ERC2: variants seen among roughly 807,000 people sequenced by gnomAD.
ERC2 encodes the protein ERC protein 2.
ERC2 carries 42 observed loss-of-function variants against 114.8 expected under a neutral mutation model. The ratio of observed to expected loss-of-function variants is 0.37; its 90% CI spans 0.29 to 0.47. ERC2 has a LOEUF of 0.47. ERC2 is among the 20% of genes least tolerant of loss of function. The probability of loss-of-function intolerance (pLI) is 0.99; values close to 1 mark genes in which losing one functional copy is unlikely to be tolerated. For missense variants in ERC2, 939 were observed against 1,150.7 expected, an observed-to-expected ratio of 0.82 and a Z score of 2.66; for synonymous variants, 454 against 425.5, an observed-to-expected ratio of 1.07 and a Z score of -0.82.
At chr3:55,931,608 G>T (rs887343164) in intron 13 of ERC2, among the ~76,000 whole-genome samples, 3 of 152,102 alleles carry the variant, frequency 2.0e-5, no homozygotes, top group Non-Finnish European at 4.4e-5. Context: ...GTCGGGGTGT[G>T]GGGGGCTAGG....
chr3:56,120,414 G>A (rs1373474117), intron 6 of ERC2, among the ~76,000 whole-genome samples: 1 of 152,210 alleles, frequency 6.6e-6, no homozygotes, highest in Non-Finnish European at 1.5e-5. Flanking sequence ...AATGGCAAGA[G>A]AGAGTGATTA....
At chr3:55,798,158 T>C (rs1449232991) in intron 14 of ERC2, among the ~76,000 whole-genome samples, 1 of 152,112 alleles carries the variant, frequency 6.6e-6, no homozygotes, top group Non-Finnish European at 1.5e-5. Flanking sequence ...GTAATAGATA[T>C]TTGCAAAGAT....
At chr3:56,040,597 A>ATACACATACATATACATG (rs1322857766) in intron 7 of ERC2, among the ~76,000 whole-genome samples, 2 of 2,732 alleles carry the variant, frequency 7.3e-4, no homozygotes, top group South Asian at 0.011. Context: ...ATATATATCT[A>ATACACATACATATACATG]TATATGTATA....
intron 4 of ERC2, among the ~76,000 whole-genome samples, chr3:56,155,774 A>G (rs1020446089): frequency 1.3e-5 from 2 of 152,144 alleles, no homozygotes; most frequent in African/African-American, 4.8e-5. Flanking sequence ...TACATACAAA[A>G]TCAAGAGCAC....
intron 3 of ERC2, among the ~76,000 whole-genome samples, chr3:56,258,685 C>T (rs903091297): frequency 6.6e-6 from 1 of 152,202 alleles, no homozygotes; most frequent in East Asian, 1.9e-4. Flanking sequence ...AAACAAAAAA[C>T]TTTATGTACT....
At chr3:55,807,870 A>C (rs74584627) in intron 14 of ERC2, among the ~76,000 whole-genome samples, 1 of 152,278 alleles carries the variant, frequency 6.6e-6, no homozygotes, top group African/African-American at 2.4e-5. Flanking sequence ...CTTGGAACCC[A>C]ATAATTATGT....
At chr3:56,093,583 C>T (rs1027910628) in intron 6 of ERC2, among the ~76,000 whole-genome samples, 1 of 152,144 alleles carries the variant, frequency 6.6e-6, no homozygotes, top group Non-Finnish European at 1.5e-5. Context: ...ACATTCATAT[C>T]AGTGTAAATT....
intron 15 of ERC2, among the ~76,000 whole-genome samples, chr3:55,723,913 G>A (rs115741139): frequency 2.0e-4 from 30 of 152,226 alleles, no homozygotes; most frequent in African/African-American, 7.2e-4. Flanking sequence ...GGCAGGAAGT[G>A]GGATCTTTTT....
chr3:56,202,728 TA>T (rs2048478528), intron 3 of ERC2, among the ~76,000 whole-genome samples: 1 of 152,116 alleles, frequency 6.6e-6, no homozygotes, highest in South Asian at 2.1e-4. Context: ...GTATGGAACC[TA>T]AAGAAGTTAA....
At chr3:56,263,548 AC>A (rs2053089717) in intron 3 of ERC2, among the ~76,000 whole-genome samples, 2 of 152,178 alleles carry the variant, frequency 1.3e-5, no homozygotes, top group Admixed American at 1.3e-4. Context: ...CTATATGCCA[AC>A]AAATTGGATA....
intron 1 of ERC2, among the ~76,000 whole-genome samples, chr3:56,460,652 A>G (rs1021312584): frequency 1.3e-5 from 2 of 152,236 alleles, no homozygotes; most frequent in Non-Finnish European, 2.9e-5. Context: ...CAACTGGAGT[A>G]TTAGCTCCAA....
chr3:56,301,675 G>T (rs2055884582), intron 2 of ERC2, among the ~76,000 whole-genome samples: 1 of 151,476 alleles, frequency 6.6e-6, no homozygotes. Context: ...AGACTAGCCT[G>T]GGCAACATAG....
chr3:55,530,050 T>C (rs1209257347), intron 17 of ERC2, among the ~76,000 whole-genome samples: 6 of 152,220 alleles, frequency 3.9e-5, no homozygotes, highest in Admixed American at 3.9e-4. Flanking sequence ...TTGGAGATGA[T>C]GTCACTGGTA....
At chr3:56,384,369 T>C (rs2059859942) in intron 2 of ERC2, among the ~76,000 whole-genome samples, 1 of 152,180 alleles carries the variant, frequency 6.6e-6, no homozygotes, top group Non-Finnish European at 1.5e-5. Flanking sequence ...ACACTTGCTA[T>C]TTTGTTTTTT....
intron 12 of ERC2, among the ~76,000 whole-genome samples, chr3:55,974,250 C>T (rs894028293): frequency 4.6e-5 from 7 of 152,312 alleles, no homozygotes; most frequent in African/African-American, 1.7e-4. Context: ...GGAACGATTC[C>T]ACAGTGTGAT....
At chr3:56,166,921 T>A (rs976860405) in intron 4 of ERC2, among the ~76,000 whole-genome samples, 2 of 152,072 alleles carry the variant, frequency 1.3e-5, no homozygotes, top group African/African-American at 4.8e-5. Flanking sequence ...TATTTCTTTC[T>A]CTCCACCTTC....
chr3:56,229,009 C>T (rs1375987546), intron 3 of ERC2, among the ~76,000 whole-genome samples: 2 of 152,076 alleles, frequency 1.3e-5, no homozygotes, highest in Non-Finnish European at 2.9e-5. Flanking sequence ...AGCCCCAATC[C>T]TAATATTAAT....
At chr3:55,614,394 G>A (rs1217029456) in intron 17 of ERC2, among the ~76,000 whole-genome samples, 1 of 152,096 alleles carries the variant, frequency 6.6e-6, no homozygotes, top group African/African-American at 2.4e-5. Context: ...ATTTGGTAGG[G>A]ACAGGAGAGA....
intron 15 of ERC2, among the ~76,000 whole-genome samples, chr3:55,705,403 T>A (rs1001382578): frequency 1.3e-5 from 2 of 152,174 alleles, no homozygotes; most frequent in African/African-American, 4.8e-5. Context: ...CAAGTGTGTG[T>A]ATGTGTGCGG....
Sources: gnomAD v4.1 joint callset for allele counts (sites outside exome capture counted in the v4.1 genomes callset) on GRCh38, gnomAD v4.1.1 for gene constraint, MANE v1.5 for transcripts, NCBI Gene and HGNC (gene_info 2026-07-23, HGNC 2026-07-21) for gene names.